NRXN3: variants seen among roughly 807,000 people sequenced by gnomAD.
NRXN3 encodes the protein neurexin 3.
Under a neutral mutation model 137.6 loss-of-function variants are expected in NRXN3, and 32 were observed. The ratio of observed to expected loss-of-function variants is 0.23; its 90% CI spans 0.18 to 0.31. NRXN3 has a LOEUF of 0.31. Ranked by LOEUF, NRXN3 falls within the 10% of genes least tolerant of loss-of-function variation. The probability of loss-of-function intolerance (pLI) is 1.00; values close to 1 mark genes in which losing one functional copy is unlikely to be tolerated. For synonymous variants in NRXN3, 798 were observed against 784.5 expected, an observed-to-expected ratio of 1.02 and a Z score of -0.29; for missense variants, 1,574 against 2,062.5, an observed-to-expected ratio of 0.76 and a Z score of 4.59.
intron 8 of NRXN3, among the ~76,000 whole-genome samples, chr14:78,739,652 A>G (rs1217613706): frequency 1.3e-5 from 2 of 152,024 alleles, no homozygotes; most frequent in African/African-American, 4.8e-5. Flanking sequence ...TGTATTTTTT[A>G]GTAGAGATGG....
chr14:78,473,208 C>T (rs560318512), intron 4 of NRXN3, among the ~76,000 whole-genome samples: 159 of 152,086 alleles, frequency 1.0e-3, no homozygotes, highest in African/African-American at 3.3e-3. Context: ...CAAGACCATC[C>T]TGGCTAACAT....
intron 4 of NRXN3, among the ~76,000 whole-genome samples, chr14:78,358,972 T>C (rs1597737600): frequency 6.6e-6 from 1 of 152,288 alleles, no homozygotes; most frequent in South Asian, 2.1e-4. Flanking sequence ...TGTATGGTAA[T>C]ACATGTATTT....
chr14:78,347,434 A>G (rs569825265), intron 4 of NRXN3, among the ~76,000 whole-genome samples: 3 of 152,334 alleles, frequency 2.0e-5, no homozygotes, highest in Admixed American at 6.5e-5. Flanking sequence ...GTGTTTTACC[A>G]AGCCACTCCC....
chr14:79,836,683 G>A (rs1253656915), intron 20 of NRXN3, among the ~76,000 whole-genome samples: 1 of 152,152 alleles, frequency 6.6e-6, no homozygotes, highest in Non-Finnish European at 1.5e-5. Context: ...GTATGTGAAT[G>A]TTAGCACAGT....
intron 15 of NRXN3, among the ~76,000 whole-genome samples, chr14:79,318,758 TC>T (rs2089416412): frequency 6.6e-6 from 1 of 152,196 alleles, no homozygotes; most frequent in East Asian, 1.9e-4. Context: ...CTGGGCATTA[TC>T]GGATTTCTAT....
intron 15 of NRXN3, chr14:79,248,482 G>T: frequency 6.6e-6 from 1 of 152,242 alleles, no homozygotes; most frequent in Non-Finnish European, 1.5e-5. Context: ...TATACCTCTG[G>T]CCCCCCAGCT....
chr14:78,608,623 A>G (rs915428031), intron 4 of NRXN3, among the ~76,000 whole-genome samples: 8 of 152,196 alleles, frequency 5.3e-5, no homozygotes, highest in Admixed American at 2.0e-4. Flanking sequence ...AAGGGTATAT[A>G]TACAGATTTA....
intron 4 of NRXN3, among the ~76,000 whole-genome samples, chr14:78,308,974 G>T (rs1165285934): frequency 6.6e-6 from 1 of 152,062 alleles, no homozygotes; most frequent in African/African-American, 2.4e-5. Flanking sequence ...TGTGAGTTTT[G>T]TGGTCCAGTA....
At chr14:78,227,267 T>C (rs1004396647) in intron 1 of NRXN3, among the ~76,000 whole-genome samples, 3 of 152,184 alleles carry the variant, frequency 2.0e-5, no homozygotes, top group African/African-American at 7.2e-5. Flanking sequence ...AAGATTCAAT[T>C]GCATCACTTA....
intron 10 of NRXN3, among the ~76,000 whole-genome samples, chr14:78,900,566 A>G (rs764506012): frequency 6.6e-6 from 1 of 151,876 alleles, no homozygotes; most frequent in Non-Finnish European, 1.5e-5. Flanking sequence ...GGGTGTCCAT[A>G]AAGTCTGGGA....
intron 4 of NRXN3, among the ~76,000 whole-genome samples, chr14:78,401,869 A>G (rs1056869340): frequency 2.8e-4 from 42 of 152,228 alleles, no homozygotes; most frequent in African/African-American, 9.9e-4. Flanking sequence ...ACTAGTTTCT[A>G]AGTTTTAATA....
intron 15 of NRXN3, among the ~76,000 whole-genome samples, chr14:79,389,600 G>A (rs1342637681): frequency 6.6e-6 from 1 of 152,122 alleles, no homozygotes; most frequent in Non-Finnish European, 1.5e-5. Flanking sequence ...ACTACCTTGT[G>A]GATACTTTGT....
At chr14:78,782,253 G>T (rs993708620) in intron 8 of NRXN3, among the ~76,000 whole-genome samples, 2 of 152,224 alleles carry the variant, frequency 1.3e-5, no homozygotes, top group Non-Finnish European at 2.9e-5. Flanking sequence ...GAAAGGAGTG[G>T]TTTAAAGAAA....
intron 10 of NRXN3, among the ~76,000 whole-genome samples, chr14:78,824,962 A>G (rs1433991430): frequency 2.6e-5 from 4 of 152,148 alleles, no homozygotes; most frequent in Non-Finnish European, 5.9e-5. Context: ...CATAAAAATT[A>G]AAAATATAAA....
intron 15 of NRXN3, among the ~76,000 whole-genome samples, chr14:79,197,800 G>T (rs1015831914): frequency 3.3e-5 from 5 of 152,266 alleles, no homozygotes; most frequent in African/African-American, 1.2e-4. Flanking sequence ...TTTCATGAAA[G>T]ACTTCTTTGT....
intron 4 of NRXN3, among the ~76,000 whole-genome samples, chr14:78,532,960 AT>A: frequency 6.6e-6 from 1 of 151,816 alleles, no homozygotes; most frequent in Non-Finnish European, 1.5e-5. Context: ...TCAAGCTCTA[AT>A]TACTTTCTTC....
At chr14:78,405,363 C>T (rs1324614391) in intron 4 of NRXN3, among the ~76,000 whole-genome samples, 1 of 152,192 alleles carries the variant, frequency 6.6e-6, no homozygotes, top group Non-Finnish European at 1.5e-5. Flanking sequence ...CTGGGCTGCT[C>T]TGTCATAGCT....
chr14:79,127,430 G>C (rs987372493), intron 15 of NRXN3, among the ~76,000 whole-genome samples: 2 of 152,152 alleles, frequency 1.3e-5, no homozygotes, highest in African/African-American at 2.4e-5. Flanking sequence ...TATTAAACAG[G>C]GAATCCTTTC....
chr14:79,790,329 C>T (rs745611646), intron 19 of NRXN3, among the ~76,000 whole-genome samples: 1 of 151,052 alleles, frequency 6.6e-6, no homozygotes, highest in African/African-American at 2.4e-5. Flanking sequence ...AGGCGCCACC[C>T]TTTTTTTTAT....
Sources: gnomAD v4.1 joint callset for allele counts (sites outside exome capture counted in the v4.1 genomes callset) on GRCh38, gnomAD v4.1.1 for gene constraint, MANE v1.5 for transcripts, NCBI Gene and HGNC (gene_info 2026-07-23, HGNC 2026-07-21) for gene names.